The following MYO1D variants were observed in gnomAD, a reference collection of about 807,000 sequenced individuals.
MYO1D encodes unconventional myosin-Id.
In MYO1D, 83 loss-of-function variants were observed where a neutral mutation model predicts 122.0. The observed-to-expected ratio is 0.68, with a 90% CI of 0.57 to 0.82. MYO1D has a LOEUF of 0.82. Among genes scored for constraint, MYO1D ranks in the 40% least tolerant of loss-of-function variants. MYO1D has a pLI of 0.00. For synonymous variants in MYO1D, 464 were observed against 446.9 expected (o/e 1.04, Z -0.48); for missense variants, 1,157 against 1,269.5 (o/e 0.91, Z 1.35).
intron 1 of MYO1D, among the ~76,000 whole-genome samples, chr17:32,876,142 G>A (rs747412598): frequency 2.0e-5 from 3 of 152,064 alleles, no homozygotes; most frequent in Non-Finnish European, 4.4e-5. Context: ...AAGTACAGCA[G>A]TCTCTTCGAT....
At chr17:32,757,115 C>T (rs2089956002) in intron 10 of MYO1D, among the ~76,000 whole-genome samples, 1 of 152,130 alleles carries the variant, frequency 6.6e-6, no homozygotes, top group Non-Finnish European at 1.5e-5. Context: ...CTCATGTATT[C>T]CCATTTCATG....
intron 16 of MYO1D, among the ~76,000 whole-genome samples, chr17:32,700,964 AAAG>A (rs2089241104): frequency 6.6e-6 from 1 of 151,790 alleles, no homozygotes; most frequent in South Asian, 2.1e-4. Context: ...AAAAAAGAAA[AAAG>A]AAAATAGTAG....
chr17:32,838,818 A>T (rs1237676880), intron 1 of MYO1D, among the ~76,000 whole-genome samples: 1 of 152,090 alleles, frequency 6.6e-6, no homozygotes, highest in Non-Finnish European at 1.5e-5. Flanking sequence ...TTAACAACTG[A>T]CTCAATACTC....
chr17:32,537,190 A>G (rs954276782), intron 21 of MYO1D, among the ~76,000 whole-genome samples: 45 of 152,312 alleles, frequency 3.0e-4, no homozygotes, highest in African/African-American at 1.0e-3. Context: ...AATTTAGAGT[A>G]TTCAAAACCT....
At chr17:32,513,898 T>C (rs796474527) in intron 21 of MYO1D, among the ~76,000 whole-genome samples, 1 of 151,428 alleles carries the variant, frequency 6.6e-6, no homozygotes, top group Non-Finnish European at 1.5e-5. Context: ...GGTGTGAGCA[T>C]GGCTCACTGC....
At chr17:32,864,781 T>C (rs1342470928) in intron 1 of MYO1D, among the ~76,000 whole-genome samples, 2 of 152,206 alleles carry the variant, frequency 1.3e-5, no homozygotes, top group Non-Finnish European at 2.9e-5. Flanking sequence ...GCAGAAGTAC[T>C]ATGCATTTAT....
At chr17:32,528,655 A>G (rs1402302192) in intron 21 of MYO1D, among the ~76,000 whole-genome samples, 1 of 152,150 alleles carries the variant, frequency 6.6e-6, no homozygotes, top group African/African-American at 2.4e-5. Context: ...ATCCAGGTGG[A>G]CCCTAGATAC....
At chr17:32,844,517 T>C (rs1176003145) in intron 1 of MYO1D, among the ~76,000 whole-genome samples, 1 of 151,138 alleles carries the variant, frequency 6.6e-6, no homozygotes, top group Admixed American at 6.6e-5. Flanking sequence ...GGTCAGGAGT[T>C]CAGACCAGCC....
In MYO1D at chr17:32,712,191, T is replaced by C. The variant is rs772299391; in HGVS notation, c.1918A>G (p.Lys640Glu). Residue 640 changes from lysine (K) to glutamate (E), a missense_variant, in exon 16 of 22, where the codon AAG (lysine) becomes GAG (glutamate). Coordinates refer to ENST00000318217, the MANE Select transcript of MYO1D (RefSeq NM_015194.3). ...GGCCAGGTGAATTCAGAGATCATCT[T>C]ATACCTGGATGAAAAAAAGAAACAG... is the stretch of plus-strand genomic sequence containing the variant. ...QTYEKFLHRYKMISEFTWPNH... is the reference protein window; with the variant it reads ...QTYEKFLHRYEMISEFTWPNH... 1.9e-6 allele frequency: 3 copies of C among 1,611,942 alleles called. No individual in the cohort carries two copies. The highest frequency in any genetic ancestry group is 2.5e-6 in the Non-Finnish European group (3 of 1,178,380).
At chr17:32,826,428 A>C (rs542758427) in intron 1 of MYO1D, among the ~76,000 whole-genome samples, 20 of 152,350 alleles carry the variant, frequency 1.3e-4, no homozygotes, top group Non-Finnish European at 2.2e-4. Flanking sequence ...TACAGTAGCC[A>C]GCTTACTACC....
intron 21 of MYO1D, among the ~76,000 whole-genome samples, chr17:32,557,233 C>T (rs752032129): frequency 6.6e-6 from 1 of 151,744 alleles, no homozygotes; most frequent in Middle Eastern, 3.2e-3. Flanking sequence ...GTTCTCCTGC[C>T]TCAGCCTCCT....
intron 14 of MYO1D, 149 bp downstream of exon 14, chr17:32,738,104 A>T: frequency 1.6e-6 from 1 of 635,274 alleles, no homozygotes; most frequent in Non-Finnish European, 2.4e-6. Flanking sequence ...TTAAAAATGC[A>T]GGAATAAAAA....
chr17:32,791,812 T>A lies in MYO1D; in HGVS notation c.96-11028A>T, dbSNP rs187779230. ...TAGAATAGGCAAGATAGACTCTTAG[T>A]AAAAGACTCAAAAGATGTAAATGAA... On this transcript the variant is annotated intron_variant, in intron 1 of 21. Transcript: ENST00000318217. 1.8e-3 allele frequency among the ~76,000 whole-genome samples: 280 copies of A among 152,282 alleles called. 1 individual carries two copies. The highest frequency in any genetic ancestry group is 6.4e-3 in the African/African-American group (268 of 41,556).
At chr17:32,530,898 A>C (rs1910489399) in intron 21 of MYO1D, among the ~76,000 whole-genome samples, 1 of 150,796 alleles carries the variant, frequency 6.6e-6, no homozygotes, top group Non-Finnish European at 1.5e-5. Context: ...CTCTGTCCTC[A>C]CTCCCTTTGG....
chr17:32,505,649 G>A (rs1224110409), intron 21 of MYO1D: 1 of 152,150 alleles, frequency 6.6e-6, no homozygotes, highest in Non-Finnish European at 1.5e-5. Context: ...CCTCTGGGTG[G>A]GAAAACAAAT....
At chr17:32,615,153 A>G (rs1274638075) in intron 20 of MYO1D, among the ~76,000 whole-genome samples, 1 of 152,152 alleles carries the variant, frequency 6.6e-6, no homozygotes, top group Non-Finnish European at 1.5e-5. Flanking sequence ...TTGGAACAGG[A>G]GTAGGGTGCT....
intron 21 of MYO1D, among the ~76,000 whole-genome samples, chr17:32,600,229 C>T (rs2087547096): frequency 6.6e-6 from 1 of 152,164 alleles, no homozygotes; most frequent in South Asian, 2.1e-4. Flanking sequence ...CCTTGTGTTT[C>T]ATTTATAGAG....
chr17:32,678,125 T>C (rs780288443), intron 16 of MYO1D, among the ~76,000 whole-genome samples: 73 of 152,216 alleles, frequency 4.8e-4, no homozygotes, highest in Non-Finnish European at 8.8e-4. Flanking sequence ...TCCTTATTTA[T>C]GTATTTCCTG....
chr17:32,645,791 G>C (rs990908589), intron 19 of MYO1D, among the ~76,000 whole-genome samples: 3 of 152,208 alleles, frequency 2.0e-5, no homozygotes, highest in Admixed American at 2.0e-4. Flanking sequence ...GGTTATTCTA[G>C]TTAGCCATTC....
Sources: gnomAD v4.1 joint callset for allele counts (sites outside exome capture counted in the v4.1 genomes callset) on GRCh38, gnomAD v4.1.1 for gene constraint, MANE v1.5 for transcripts, NCBI Gene and HGNC (gene_info 2026-07-23, HGNC 2026-07-21) for gene names.